The following DNAI1 variants were observed in gnomAD, a reference collection of about 807,000 sequenced individuals.
DNAI1 encodes the protein dynein, axonemal, intermediate polypeptide 1.
Under a neutral mutation model 92.0 loss-of-function variants are expected in DNAI1, and 67 were observed. The observed-to-expected ratio is 0.73, with a 90% confidence interval of 0.60 to 0.89. DNAI1 has a LOEUF of 0.89. Ranked by LOEUF, DNAI1 falls within the 40% of genes least tolerant of loss-of-function variation. DNAI1 has a pLI of 0.00. For missense variants in DNAI1, 839 were observed against 866.6 expected, an observed-to-expected ratio of 0.97 and a Z score of 0.40; for synonymous variants, 323 against 319.6, an observed-to-expected ratio of 1.01 and a Z score of -0.11.
intron 4 of DNAI1, among the ~76,000 whole-genome samples, chr9:34,487,548 G>A (rs975476980): frequency 3.9e-5 from 6 of 151,968 alleles, no homozygotes; most frequent in Non-Finnish European, 4.4e-5. Context: ...TGGGAAGCCC[G>A]AAAAGGTCAG....
At chr9:34,508,006 C>G (rs921852421) in intron 13 of DNAI1, among the ~76,000 whole-genome samples, 1 of 152,204 alleles carries the variant, frequency 6.6e-6, no homozygotes, top group Non-Finnish European at 1.5e-5. Flanking sequence ...TTTGCAGGCC[C>G]TTCCTTATTG....
rs745344346 is a variant in DNAI1 at position 34,501,124 on chromosome 9, AT to A, written c.1020-5del. The A allele has an allele frequency of 4.9e-4, 769 of 1,553,608 alleles. No individual in the cohort carries two copies. Among genetic ancestry groups the A allele is most frequent in the Non-Finnish European group, 6.2e-4 (698 of 1,128,596 alleles). The stretch of plus-strand genomic sequence containing the variant: ...TCATTTCCTATGCCAATGGATTCAT[AT>A]TTTTTTTTGCAGGAATCCAAAGTAC... On this transcript the variant is annotated splice_polypyrimidine_tract_variant and intron_variant, in intron 11 of 19. Transcript: ENST00000242317.
At chr9:34,519,131 T>C (rs941851616) in intron 19 of DNAI1, among the ~76,000 whole-genome samples, 2 of 152,106 alleles carry the variant, frequency 1.3e-5, no homozygotes, top group African/African-American at 4.8e-5. Context: ...CCCGTGAAAT[T>C]GCCATCTGAC....
intron 10 of DNAI1, 53 bp downstream of exon 10, chr9:34,497,252 C>T (rs1352822487): frequency 3.4e-6 from 5 of 1,470,062 alleles, no homozygotes; most frequent in Non-Finnish European, 3.8e-6. Flanking sequence ...AAAAATTTCT[C>T]ATAAAAGCTT....
intron 15 of DNAI1, 71 bp downstream of exon 15, chr9:34,512,495 G>T: frequency 6.9e-7 from 1 of 1,453,680 alleles, no homozygotes; most frequent in South Asian, 1.2e-5. Flanking sequence ...CAGTGACAGT[G>T]GTCCTTCCCC....
At position 34,485,500 on chromosome 9, in the gene DNAI1, G is replaced by C. The variant is rs1564031598; in HGVS notation, c.244G>C (p.Val82Leu). The part of the protein sequence containing the change: ...ANNPHAPQNI[V>L]RYSFKEGTYK... ...CAACCCACACGCACCCCAGAACATT[G>C]TCAGGTACAGCTTCAAAGTAAGTCA... The change falls in exon 4 of 20, where the codon GTC (valine) becomes CTC (leucine). Residue 82 changes from valine (V) to leucine (L), a missense_variant. Transcript: ENST00000242317. 6.2e-7 allele frequency: 1 copy of C among 1,614,100 alleles called. No individual in the cohort carries two copies.
intron 1 of DNAI1, among the ~76,000 whole-genome samples, chr9:34,482,590 C>T (rs1824382859): frequency 1.3e-5 from 2 of 151,902 alleles, no homozygotes; most frequent in East Asian, 1.9e-4. Flanking sequence ...GATTGGTGCA[C>T]TCACAAACCT....
At chr9:34,477,179 C>A (rs963402750) in intron 1 of DNAI1, among the ~76,000 whole-genome samples, 1 of 152,038 alleles carries the variant, frequency 6.6e-6, no homozygotes, top group South Asian at 2.1e-4. Context: ...CCACACCCAA[C>A]TAATTAAAAA....
intron 2 of DNAI1, 108 bp downstream of exon 2, chr9:34,483,588 A>T: frequency 8.8e-7 from 1 of 1,134,062 alleles, no homozygotes; most frequent in Non-Finnish European, 1.3e-6. Context: ...TAAAAGAAGA[A>T]TGTTAAAATC....
chr9:34,460,903 T>G (rs1011015097), intron 1 of DNAI1, among the ~76,000 whole-genome samples: 4 of 152,080 alleles, frequency 2.6e-5, no homozygotes, highest in Admixed American at 6.5e-5. Context: ...TGCAGTGGTG[T>G]GATCTTGGCT....
intron 8 of DNAI1, among the ~76,000 whole-genome samples, chr9:34,492,536 T>G (rs1399729623): frequency 3.8e-5 from 2 of 52,254 alleles, no homozygotes; most frequent in African/African-American, 6.2e-5. Context: ...ATATATATAT[T>G]TGAGACAAGG....
chr9:34,458,828 G>T lies in DNAI1; in HGVS notation c.-178G>T. 4.4e-6 allele frequency: 3 copies of T among 678,806 alleles called. No homozygotes were observed. Among genetic ancestry groups the T allele is most frequent in the South Asian group, 3.2e-5 (2 of 62,918 alleles). The allele number at this position is 678,806 out of a possible 1,614,324, so 42.0% of individuals were successfully genotyped here. A position where few individuals can be genotyped will look rare whatever the true frequency, so the allele number is the denominator to read the frequency against. ...TCGGTTGCTGGGTAACCGCGTCAGG[G>T]AGTTGGATTCTATCCTGCAAGGGCA... is the stretch of plus-strand genomic sequence containing the variant. On this transcript the variant is annotated 5_prime_UTR_variant, in exon 1 of 20. Transcript: ENST00000242317. The surrounding 1 kb of genome is among the most constrained non-coding windows in gnomAD (Gnocchi z 6.6).
At chr9:34,507,005 G>C (rs1346351968) in intron 13 of DNAI1, 131 bp downstream of exon 13, 9 of 1,376,042 alleles carry the variant, frequency 6.5e-6, no homozygotes, top group Non-Finnish European at 8.9e-6. Flanking sequence ...CATCAGGTCA[G>C]GATCTGGGTG....
chr9:34,483,484 A>C lies in DNAI1; in HGVS notation c.81+4A>C, dbSNP rs1564030949. ...AGGCAGAGGAACCAGGAAGAGAGTA[A>C]GTGCTGAGACTACCATGGTCTCTCA... is the stretch of plus-strand genomic sequence containing the variant. On this transcript the variant is annotated splice_donor_region_variant and intron_variant, in intron 2 of 19. Coordinates refer to ENST00000242317, the MANE Select transcript of DNAI1 (RefSeq NM_012144.4). 2 of 1,612,152 alleles carry C rather than the reference A, an allele frequency of 1.2e-6. No individual in the cohort carries two copies. The highest frequency in any genetic ancestry group is 1.7e-5 in the Admixed American group (1 of 60,010).
chr9:34,468,600 A>C (rs1824082583), intron 1 of DNAI1, among the ~76,000 whole-genome samples: 1 of 151,904 alleles, frequency 6.6e-6, no homozygotes, highest in Non-Finnish European at 1.5e-5. Flanking sequence ...ATGAGACGGG[A>C]GGATCACTTG....
At chr9:34,461,052 A>G (rs964235342) in intron 1 of DNAI1, among the ~76,000 whole-genome samples, 1 of 152,128 alleles carries the variant, frequency 6.6e-6, no homozygotes, top group African/African-American at 2.4e-5. Flanking sequence ...TGTGTTAGCC[A>G]CGATGGTCTT....
chr9:34,485,666 G>A lies in DNAI1; in HGVS notation c.261+149G>A, dbSNP rs868442985. 6.4e-5 allele frequency: 52 copies of A among 807,818 alleles called. No individual in the cohort carries two copies. In the Middle Eastern group the frequency reaches 2.7e-3, roughly 42 times the overall value. The allele number at this position is 807,818 out of a possible 1,614,324, so 50.0% of individuals were successfully genotyped here. A position where few individuals can be genotyped will look rare whatever the true frequency, so the allele number is the denominator to read the frequency against. ...CTAGAATCCTCAGATTTCATATGGA[G>A]TTTTCTAGAAGTTTTTGAAATTTCT... On this transcript the variant is annotated intron_variant, in intron 4 of 19. Coordinates refer to ENST00000242317, the MANE Select transcript of DNAI1 (RefSeq NM_012144.4).
intron 1 of DNAI1, among the ~76,000 whole-genome samples, chr9:34,470,171 G>A (rs1824111781): frequency 6.6e-6 from 1 of 152,080 alleles, no homozygotes; most frequent in Admixed American, 6.6e-5. Context: ...CATATGAAAA[G>A]CCAATAGAGA....
chr9:34,488,503 G>A (rs1038007904), intron 4 of DNAI1: 1 of 153,208 alleles, frequency 6.5e-6, no homozygotes, highest in Non-Finnish European at 1.5e-5. Flanking sequence ...TTACCGTAGT[G>A]TGCCATACAA....
Sources: gnomAD v4.1 joint callset for allele counts (sites outside exome capture counted in the v4.1 genomes callset) on GRCh38, gnomAD v4.1.1 for gene constraint, Gnocchi (gnomAD v3.1) non-coding constraint, MANE v1.5 for transcripts, NCBI Gene and HGNC (gene_info 2026-07-23, HGNC 2026-07-21) for gene names.